Variants in OSMR observed in about 807,000 individuals in gnomAD.
OSMR encodes the protein oncostatin M receptor.
A neutral mutation model predicts 99.9 loss-of-function variants in OSMR; 81 were observed. The ratio of observed to expected loss-of-function variants is 0.81; its 90% CI spans 0.68 to 0.97. The LOEUF is 0.97. OSMR is among the 50% of genes least tolerant of loss of function. OSMR has a pLI of 0.00. For missense variants in OSMR, 1,099 were observed against 1,153.4 expected, an observed-to-expected ratio of 0.95 and a Z score of 0.68; for synonymous variants, 406 against 410.4, an observed-to-expected ratio of 0.99 and a Z score of 0.13.
chr5:38,934,110 G>GAA lies in OSMR; in HGVS notation c.*668_*669dup, dbSNP rs1355062017. On this transcript the variant is annotated 3_prime_UTR_variant, in exon 18 of 18. Transcript: ENST00000274276. ...ATTCTTCTGTCAAGCTTACTACAGTGAAAGAATGGGATTGGCAAGTAACTT... is the reference window on the plus strand; with the variant it reads ...ATTCTTCTGTCAAGCTTACTACAGTGAAAAAGAATGGGATTGGCAAGTAACTT... 1 of 152,648 alleles carries GAA rather than the reference G, an allele frequency of 6.6e-6. No homozygotes were observed. Among genetic ancestry groups the GAA allele is most frequent in the African/African-American group, 2.4e-5 (1 of 41,436 alleles). The allele number at this position is 152,648 out of a possible 1,614,324, so 9.5% of individuals were successfully genotyped here.
chr5:38,886,494 A>G, intron 7 of OSMR: 3 of 390,176 alleles, frequency 7.7e-6, no homozygotes, highest in Non-Finnish European at 1.3e-5. Context: ...TTCCGCCAAG[A>G]TAATTATCAC....
Position 38,925,327 on chromosome 5 carries a change from G to A in OSMR, c.2168G>A (p.Gly723Asp), listed in dbSNP as rs771480578. The A allele has an allele frequency of 6.2e-7, 1 of 1,614,068 alleles. No homozygotes were observed. Residue 723 changes from glycine to aspartate, a missense_variant, in exon 15 of 18, where the codon GGC (glycine) becomes GAC (aspartate). Coordinates refer to ENST00000274276, the MANE Select transcript of OSMR (RefSeq NM_003999.3). Reference protein sequence around the residue: ...FITPFTSAGEGPSATFTKVTT... With the variant: ...FITPFTSAGEDPSATFTKVTT... ...ACTCCATTCACTAGTGCTGGTGAAGGCCCCAGTGCTACGTTCACGAAGGTC... is the reference window on the plus strand; with the variant it reads ...ACTCCATTCACTAGTGCTGGTGAAGACCCCAGTGCTACGTTCACGAAGGTC...
chr5:38,887,315 C>T (rs1357338926), intron 7 of OSMR, among the ~76,000 whole-genome samples: 2 of 152,092 alleles, frequency 1.3e-5, no homozygotes, highest in African/African-American at 4.8e-5. Context: ...GGACAGTCAC[C>T]TATAAGTTTT....
chr5:38,860,953 G>A (rs981680650), intron 1 of OSMR, among the ~76,000 whole-genome samples: 4 of 152,136 alleles, frequency 2.6e-5, no homozygotes, highest in Non-Finnish European at 4.4e-5. Context: ...GATTACAGGC[G>A]TGATTAGGAC....
In OSMR at chr5:38,881,194, C is replaced by CTT. The variant is rs367864552; in HGVS notation, c.247-387_247-386dup. On this transcript the variant is annotated intron_variant, in intron 3 of 17. Transcript: ENST00000274276. Reference sequence around the variant, plus strand: ...TGAATATTTTTTAAAAACAAACAATCTTTTTTTTTTTTTAAAGGATGACTG... The same window carrying CTT: ...TGAATATTTTTTAAAAACAAACAATCTTTTTTTTTTTTTTTAAAGGATGACTG... Among the ~76,000 whole-genome samples, 1,033 of 148,282 alleles carry CTT rather than the reference C, an allele frequency of 7.0e-3. 11 individuals are homozygous for CTT. Among genetic ancestry groups the CTT allele is most frequent in the African/African-American group, 0.024 (988 of 40,414 alleles).
rs1432896617 is a variant in OSMR, at chr5:38,933,143, C to A, written c.2639C>A (p.Ala880Asp). The A allele has an allele frequency of 1.9e-6, 3 of 1,614,154 alleles. No homozygotes were observed. The East Asian group carries it at 6.7e-5, about 36-fold the overall frequency. Residue 880 changes from alanine (A) to aspartate (D), a missense_variant, in exon 18 of 18, where the codon GCC becomes GAC. By Grantham distance (126) the Ala-to-Asp change is moderately radical (BLOSUM62 -2). Coordinates refer to ENST00000274276, the MANE Select transcript of OSMR (RefSeq NM_003999.3). ...GGCCATGTTCCAGTATCCCCAAAAG[C>A]CCCAAGTATGCTGGGACTAATGACC... Reference protein sequence around the residue: ...SCGHVPVSPKAPSMLGLMTSP... With the variant: ...SCGHVPVSPKDPSMLGLMTSP...
At chr5:38,932,563 C>A in intron 17 of OSMR, 28 bp downstream of exon 17, 1 of 1,592,036 alleles carries the variant, frequency 6.3e-7, no homozygotes, top group Non-Finnish European at 8.6e-7. Flanking sequence ...GTATGTATAC[C>A]ATATACCTAT....
intron 1 of OSMR, among the ~76,000 whole-genome samples, chr5:38,864,389 C>G (rs1372522277): frequency 6.6e-6 from 1 of 152,128 alleles, no homozygotes; most frequent in Non-Finnish European, 1.5e-5. Flanking sequence ...AGATATCATC[C>G]TTTCACTTCC....
intron 7 of OSMR, among the ~76,000 whole-genome samples, chr5:38,891,210 C>G (rs1393163568): frequency 6.6e-6 from 1 of 152,166 alleles, no homozygotes; most frequent in Non-Finnish European, 1.5e-5. Context: ...AAAATTTTAA[C>G]TCAGATGTGC....
downstream of OSMR, chr5:38,940,334 G>A (rs1747422893): frequency 4.3e-6 from 1 of 230,910 alleles, no homozygotes; most frequent in Non-Finnish European, 8.6e-6. Context: ...AACTGAGGTA[G>A]TGTTTAAAAT....
rs150334967 is a variant in OSMR at position 38,932,247 on chromosome 5, C to T, written c.2295-216C>T. 8.6e-3 allele frequency among the ~76,000 whole-genome samples: 1,314 copies of T among 152,230 alleles called. 45 individuals carry two copies. Among genetic ancestry groups the T allele is most frequent in the Admixed American group, 0.064 (971 of 15,288 alleles). On this transcript the variant is annotated intron_variant, in intron 16 of 17. Coordinates refer to ENST00000274276, the MANE Select transcript of OSMR (RefSeq NM_003999.3). ...TGTATGTTTGGCAATGTTCTAAGTGCTTTATCAATTAATTCATTTAATCCT... is the reference window on the plus strand; with the variant it reads ...TGTATGTTTGGCAATGTTCTAAGTGTTTTATCAATTAATTCATTTAATCCT...
chr5:38,881,699 T>C lies in OSMR; in HGVS notation c.353T>C (p.Val118Ala). Residue 118 changes from valine (V) to alanine (A), a missense_variant, in exon 4 of 18, where the codon GTG (valine) becomes GCG (alanine). By Grantham distance (64) the Val-to-Ala change is moderately conservative (BLOSUM62 0). Transcript: ENST00000274276. The part of the protein sequence containing the change: ...ATHFVRIKSL[V>A]DDAKFPEPNF... ...CACTTTGTAAGAATAAAGAGTTTGG[T>C]GGACGATGCCAAGTTCCCTGAGCCA... 1 of 1,614,204 alleles carries C rather than the reference T, an allele frequency of 6.2e-7. No homozygotes were observed. Among genetic ancestry groups the C allele is most frequent in the South Asian group, 1.1e-5 (1 of 91,082 alleles).
chr5:38,878,055 A>C (rs886721383), intron 3 of OSMR, among the ~76,000 whole-genome samples: 4 of 152,074 alleles, frequency 2.6e-5, no homozygotes, highest in African/African-American at 9.7e-5. Context: ...CACAGCACAG[A>C]GAGGTTTGTT....
At chr5:38,903,109 G>T (rs997079601) in intron 7 of OSMR, among the ~76,000 whole-genome samples, 11 of 152,186 alleles carry the variant, frequency 7.2e-5, no homozygotes, top group African/African-American at 2.7e-4. Context: ...CCTGCTTGCT[G>T]TGCCAATTTT....
At chr5:38,850,605 A>G (rs899618836) in intron 1 of OSMR, among the ~76,000 whole-genome samples, 3 of 152,226 alleles carry the variant, frequency 2.0e-5, no homozygotes, top group African/African-American at 7.2e-5. Flanking sequence ...GAAAAGCACA[A>G]TTGTAAGTGG....
At chr5:38,926,286 G>A (rs994617952) in intron 15 of OSMR, among the ~76,000 whole-genome samples, 6 of 152,196 alleles carry the variant, frequency 3.9e-5, no homozygotes, top group African/African-American at 1.4e-4. Context: ...TTGGACTGCT[G>A]ACCCTGGAGT....
chr5:38,847,341 G>A (rs1005170511), intron 1 of OSMR, among the ~76,000 whole-genome samples: 1 of 152,144 alleles, frequency 6.6e-6, no homozygotes, highest in African/African-American at 2.4e-5. Context: ...AGCTTCACGG[G>A]TGAGGCGGGT....
rs1433160135 is a variant in OSMR at position 38,917,380 on chromosome 5, G to A, written c.1286-166G>A. Reference sequence around the variant, plus strand: ...GTGTGCACCTAGTGAGGAGTGAGCAGTGTGGCTGTGGACCAGTGGGTAGAA... The same window carrying A: ...GTGTGCACCTAGTGAGGAGTGAGCAATGTGGCTGTGGACCAGTGGGTAGAA... On this transcript the variant is annotated intron_variant, in intron 9 of 17. Coordinates refer to ENST00000274276, the MANE Select transcript of OSMR (RefSeq NM_003999.3). 4 of 982,942 alleles carry A rather than the reference G, an allele frequency of 4.1e-6. No homozygotes were observed. The African/African-American group carries it at 7.0e-5, about 17-fold the overall frequency. 60.9% of individuals were successfully genotyped at this position (982,942 alleles called of 1,614,324 possible). A position where few individuals can be genotyped will look rare whatever the true frequency, so the allele number is the denominator to read the frequency against.
At chr5:38,942,726 G>T in intron 1 of OSMR, 1 of 885,416 alleles carries the variant, frequency 1.1e-6, no homozygotes, top group Non-Finnish European at 1.8e-6. Flanking sequence ...AAAGTGCTGG[G>T]ATTGTAGGCA....
Sources: allele counts gnomAD v4.1 joint callset (sites outside exome capture counted in the v4.1 genomes callset), GRCh38; gene constraint gnomAD v4.1.1; transcripts MANE v1.5; gene names NCBI Gene and HGNC (gene_info 2026-07-23, HGNC 2026-07-21).